The following LRRC1 variants were observed in gnomAD, a reference collection of about 807,000 sequenced individuals.
The protein encoded by LRRC1 is leucine rich repeat containing 1.
LRRC1 carries 28 observed loss-of-function variants against 69.9 expected under a neutral mutation model. The observed-to-expected ratio is 0.40, with a 90% CI of 0.30 to 0.55. The LOEUF (loss-of-function observed/expected upper bound fraction) is 0.55. Ranked by LOEUF, LRRC1 falls within the 20% of genes least tolerant of loss-of-function variation. The pLI is 0.47. For missense variants in LRRC1, 498 were observed against 609.0 expected (o/e 0.82, Z 1.92); for synonymous variants, 236 against 240.2 (o/e 0.98, Z 0.16).
intron 10 of LRRC1, 107 bp downstream of exon 10, chr6:53,904,569 T>G: frequency 2.8e-6 from 2 of 718,870 alleles, no homozygotes; most frequent in South Asian, 4.2e-5. Flanking sequence ...GTGTTGTTTT[T>G]TAAAGGTGTG....
chr6:53,895,067 G>A (rs1322409619), intron 4 of LRRC1, among the ~76,000 whole-genome samples: 13 of 151,678 alleles, frequency 8.6e-5, no homozygotes, highest in African/African-American at 2.7e-4. Flanking sequence ...ACAGGCGCCC[G>A]CCACCACGCC....
At chr6:53,868,346 C>T (rs773608768) in intron 2 of LRRC1, among the ~76,000 whole-genome samples, 4 of 151,860 alleles carry the variant, frequency 2.6e-5, no homozygotes, top group Non-Finnish European at 5.9e-5. Context: ...CTCAGCTTCC[C>T]GAGAAGTAGC....
chr6:53,850,668 C>T (rs942916286), intron 2 of LRRC1, among the ~76,000 whole-genome samples: 2 of 152,230 alleles, frequency 1.3e-5, no homozygotes, highest in Admixed American at 6.5e-5. Flanking sequence ...AAGCTCTGTG[C>T]ATTAGCATAG....
intron 2 of LRRC1, among the ~76,000 whole-genome samples, chr6:53,872,285 T>G: frequency 6.6e-6 from 1 of 152,076 alleles, no homozygotes; most frequent in East Asian, 1.9e-4. Flanking sequence ...TTTCCGTAGG[T>G]TTTTGGGGAA....
At chr6:53,836,513 C>T (rs1427409061) in intron 1 of LRRC1, among the ~76,000 whole-genome samples, 1 of 151,988 alleles carries the variant, frequency 6.6e-6, no homozygotes, top group Admixed American at 6.6e-5. Flanking sequence ...GTCGCTTCTC[C>T]CTCCTCCTCT....
In LRRC1 at chr6:53,871,962, CT is replaced by C. The variant is rs138667081; in HGVS notation, c.278-7030del. On this transcript the variant is annotated intron_variant, in intron 2 of 13. Coordinates refer to ENST00000370888, the MANE Select transcript of LRRC1 (RefSeq NM_018214.5). ...GGATTACAGGTATGAGCTACCGCCC[CT>C]GGCCTGTTTTTTGCTTTTGTTGCCT... Among the ~76,000 whole-genome samples, 40 of 152,298 alleles carry C rather than the reference CT, an allele frequency of 2.6e-4. 1 individual carries two copies. In the East Asian group the frequency reaches 6.6e-3, roughly 25 times the overall value.
At chr6:53,870,982 TA>T (rs1766864527) in intron 2 of LRRC1, among the ~76,000 whole-genome samples, 1 of 152,246 alleles carries the variant, frequency 6.6e-6, no homozygotes, top group African/African-American at 2.4e-5. Context: ...ATTCTTTTTT[TA>T]TGGCTGAATA....
rs532856294 is a variant in LRRC1, at chr6:53,873,453, G to A, written c.278-5540G>A. On this transcript the variant is annotated intron_variant, in intron 2 of 13. Transcript: ENST00000370888. ...ACCACAGGTATCCGCCACCACGCCC[G>A]GCTAATTTTTTTTTTTTTTGTATTT... Among the ~76,000 whole-genome samples, 8 of 133,220 alleles carry A rather than the reference G, an allele frequency of 6.0e-5. No homozygotes were observed. In the East Asian group the frequency reaches 9.1e-4, roughly 15 times the overall value. The allele number at this position is 133,220 out of a possible 152,430, so 87.4% of individuals were successfully genotyped here. A position where few individuals can be genotyped will look rare whatever the true frequency, so the allele number is the denominator to read the frequency against.
At chr6:53,798,818 A>C (rs956444319) in intron 1 of LRRC1, among the ~76,000 whole-genome samples, 8 of 152,374 alleles carry the variant, frequency 5.3e-5, no homozygotes, top group South Asian at 4.1e-4. Flanking sequence ...TCCCTTAAGC[A>C]TATCACTGCT....
chr6:53,795,062 G>A lies in LRRC1; in HGVS notation c.-195G>A. ...ACCGGCTGGCGGGCGGGGGTACAGG[G>A]ACGGGGCAGGGGCTCCCGCTCCAGG... On this transcript the variant is annotated 5_prime_UTR_variant, in exon 1 of 14. Coordinates refer to ENST00000370888, the MANE Select transcript of LRRC1 (RefSeq NM_018214.5). 1 of 465,538 alleles carries A rather than the reference G, an allele frequency of 2.1e-6. No homozygotes were observed. Among genetic ancestry groups the A allele is most frequent in the Admixed American group, 4.2e-5 (1 of 23,590 alleles). 28.8% of individuals were successfully genotyped at this position (465,538 alleles called of 1,614,324 possible). A position where few individuals can be genotyped will look rare whatever the true frequency, so the allele number is the denominator to read the frequency against.
chr6:53,900,579 A>G (rs568722011), intron 8 of LRRC1, among the ~76,000 whole-genome samples: 4 of 152,344 alleles, frequency 2.6e-5, no homozygotes, highest in African/African-American at 9.6e-5. Context: ...TGGCATCCTA[A>G]TAGTTCATGA....
intron 2 of LRRC1, among the ~76,000 whole-genome samples, chr6:53,864,149 A>G (rs193037138): frequency 4.6e-5 from 7 of 152,230 alleles, no homozygotes; most frequent in Admixed American, 1.3e-4. Context: ...TGTTGCCACA[A>G]TGATCCCCCC....
intron 4 of LRRC1, among the ~76,000 whole-genome samples, chr6:53,886,394 T>A (rs1439390035): frequency 6.6e-6 from 1 of 152,202 alleles, no homozygotes; most frequent in Non-Finnish European, 1.5e-5. Flanking sequence ...CAGGTATAAT[T>A]ATTTACCTAA....
chr6:53,891,999 A>ATGT (rs59126246), intron 4 of LRRC1, among the ~76,000 whole-genome samples: 1 of 133,682 alleles, frequency 7.5e-6, no homozygotes, highest in Admixed American at 7.7e-5. Context: ...CTAAAAAAAA[A>ATGT]ATATATATAT....
intron 11 of LRRC1, 145 bp downstream of exon 11, chr6:53,914,114 C>T: frequency 1.7e-6 from 1 of 575,202 alleles, no homozygotes; most frequent in Non-Finnish European, 3.1e-6. Flanking sequence ...TCAGGGAGTT[C>T]CTTCATAGGG....
At chr6:53,830,969 A>G (rs933377002) in intron 1 of LRRC1, among the ~76,000 whole-genome samples, 2 of 145,150 alleles carry the variant, frequency 1.4e-5, no homozygotes, top group Non-Finnish European at 1.5e-5. Context: ...TATAATATAT[A>G]GTTATTATTG....
At chr6:53,886,975 A>G (rs1259916466) in intron 4 of LRRC1, among the ~76,000 whole-genome samples, 1 of 152,198 alleles carries the variant, frequency 6.6e-6, no homozygotes, top group Non-Finnish European at 1.5e-5. Flanking sequence ...CTACCCTGGC[A>G]TTGTTCTCAC....
Position 53,904,439 on chromosome 6 carries a change from A to C in LRRC1, c.967A>C (p.Lys323Gln), listed in dbSNP as rs1406512229. ...GAGCAACTTGAATGCAGACAGAAAT[A>C]AATTAGTGTCCTTACCAAAAGAGGT... ...KLSNLNADRN[K>Q]LVSLPKEIGG... The change falls in exon 10 of 14, where the codon AAA becomes CAA. Residue 323 changes from lysine (K) to glutamine (Q), a missense_variant. By Grantham distance (53) the Lys-to-Gln change is moderately conservative (BLOSUM62 1). Coordinates refer to ENST00000370888, the MANE Select transcript of LRRC1 (RefSeq NM_018214.5). The C allele has an allele frequency of 3.1e-6, 5 of 1,610,674 alleles. No homozygotes were observed. The highest frequency in any genetic ancestry group is 1.3e-5 in the African/African-American group (1 of 74,970).
chr6:53,795,395 C>G lies in LRRC1; in HGVS notation c.139C>G (p.Gln47Glu), dbSNP rs757532937. ...SLEELLLDAN[Q>E]LRELPEQFFQ... is the part of the protein sequence containing the mutation. ...GGAGGAGCTGCTGCTGGACGCCAAC[C>G]AGCTCCGCGAGCTGCCCGAGGTAAG... The change falls in exon 1 of 14, where the codon CAG (glutamine) becomes GAG (glutamate). Residue 47 changes from glutamine (Q) to glutamate (E), a missense_variant. Around this residue, in one of 3 missense-constraint regions of LRRC1, gnomAD observed 70 missense variants for 62.1 expected, o/e 1.13. Transcript: ENST00000370888. The G allele has an allele frequency of 1.7e-5, 28 of 1,612,778 alleles. No homozygotes were observed. Among genetic ancestry groups the G allele is most frequent in the Non-Finnish European group, 2.3e-5 (27 of 1,179,890 alleles).
Sources: gnomAD v4.1 joint callset for allele counts (sites outside exome capture counted in the v4.1 genomes callset) on GRCh38, gnomAD v4.1.1 for gene constraint, gnomAD v4.1.1 regional missense constraint, MANE v1.5 for transcripts, NCBI Gene and HGNC (gene_info 2026-07-23, HGNC 2026-07-21) for gene names.